Variants in SPOCK1 observed in about 807,000 individuals in gnomAD.
SPOCK1 encodes the protein SPARC (osteonectin), cwcv and kazal like domains proteoglycan 1.
Under a neutral mutation model 55.3 loss-of-function variants are expected in SPOCK1, and 23 were observed. The ratio of observed to expected loss-of-function variants is 0.42; its 90% CI spans 0.30 to 0.59. SPOCK1 has a LOEUF of 0.59. SPOCK1 is among the 20% of genes least tolerant of loss of function. The pLI, the probability that SPOCK1 is intolerant of heterozygous loss-of-function variation, is 0.22. For synonymous variants in SPOCK1, 226 were observed against 221.0 expected (o/e 1.02, Z -0.20); for missense variants, 499 against 552.5 (o/e 0.90, Z 0.97).
chr5:137,260,635 C>T (rs1756727220), intron 3 of SPOCK1, among the ~76,000 whole-genome samples: 1 of 152,086 alleles, frequency 6.6e-6, no homozygotes, highest in South Asian at 2.1e-4. Flanking sequence ...CTAAAATAAG[C>T]AAACAGGCAA....
chr5:136,996,037 C>G (rs1449134890), intron 6 of SPOCK1, among the ~76,000 whole-genome samples: 1 of 152,254 alleles, frequency 6.6e-6, no homozygotes, highest in East Asian at 1.9e-4. Context: ...AAGGCAACAG[C>G]CTGCAGAGGG....
chr5:137,364,074 C>A (rs1200583189), intron 2 of SPOCK1, among the ~76,000 whole-genome samples: 3 of 152,240 alleles, frequency 2.0e-5, no homozygotes, highest in Non-Finnish European at 4.4e-5. Flanking sequence ...CCCCTAGAAG[C>A]TCATCTCCTG....
chr5:137,326,202 C>T (rs144440133), intron 2 of SPOCK1, among the ~76,000 whole-genome samples: 50 of 152,200 alleles, frequency 3.3e-4, no homozygotes, highest in African/African-American at 1.1e-3. Context: ...ACACTGCACC[C>T]CTCCCAATTG....
intron 3 of SPOCK1, among the ~76,000 whole-genome samples, chr5:137,217,332 G>A (rs529993198): frequency 6.6e-6 from 1 of 152,284 alleles, no homozygotes; most frequent in African/African-American, 2.4e-5. Flanking sequence ...CCTGTGCTGG[G>A]CAGCACTAAG....
chr5:137,167,583 T>C (rs1387800535), intron 3 of SPOCK1, among the ~76,000 whole-genome samples: 2 of 151,974 alleles, frequency 1.3e-5, no homozygotes, highest in African/African-American at 4.8e-5. Context: ...AAAACAAAAC[T>C]TGAAACATTC....
intron 3 of SPOCK1, among the ~76,000 whole-genome samples, chr5:137,253,165 T>A (rs116005914): frequency 1.3e-3 from 199 of 152,282 alleles, no homozygotes; most frequent in African/African-American, 4.5e-3. Context: ...GGCACCAACA[T>A]CATTTATTCC....
chr5:137,252,911 C>G (rs936339013), intron 3 of SPOCK1, among the ~76,000 whole-genome samples: 1 of 152,084 alleles, frequency 6.6e-6, no homozygotes, highest in African/African-American at 2.4e-5. Flanking sequence ...GGTAGGGACA[C>G]GCATAGGAAC....
intron 3 of SPOCK1, among the ~76,000 whole-genome samples, chr5:137,161,049 T>G (rs971127531): frequency 2.7e-5 from 4 of 146,216 alleles, no homozygotes; most frequent in African/African-American, 7.5e-5. Flanking sequence ...TTTATATATA[T>G]CTCTCTAATA....
intron 5 of SPOCK1, among the ~76,000 whole-genome samples, chr5:137,090,970 C>T (rs1240071283): frequency 6.6e-6 from 1 of 152,066 alleles, no homozygotes; most frequent in East Asian, 1.9e-4. Flanking sequence ...AGCCATGGAA[C>T]TGAGCCAGGA....
At chr5:137,017,582 T>C (rs1421902328) in intron 6 of SPOCK1, among the ~76,000 whole-genome samples, 1 of 152,150 alleles carries the variant, frequency 6.6e-6, no homozygotes, top group Non-Finnish European at 1.5e-5. Context: ...AATAACACAA[T>C]GAATGTCTTA....
chr5:137,439,066 C>T (rs1044932229), intron 2 of SPOCK1, among the ~76,000 whole-genome samples: 2 of 152,110 alleles, frequency 1.3e-5, no homozygotes, highest in Non-Finnish European at 2.9e-5. Flanking sequence ...TTTCAGTTTC[C>T]TTATTTGTAA....
chr5:137,290,795 G>A (rs929459064), intron 2 of SPOCK1, among the ~76,000 whole-genome samples: 1 of 152,174 alleles, frequency 6.6e-6, no homozygotes, highest in African/African-American at 2.4e-5. Flanking sequence ...TGCTGAAGGC[G>A]TACATCCCAC....
intron 6 of SPOCK1, among the ~76,000 whole-genome samples, chr5:137,013,889 C>T (rs886569035): frequency 2.0e-5 from 3 of 152,080 alleles, no homozygotes; most frequent in South Asian, 2.1e-4. Flanking sequence ...CCTTGGGAGC[C>T]GGGTCAGCAG....
At chr5:137,152,754 C>A (rs1432123807) in intron 3 of SPOCK1, among the ~76,000 whole-genome samples, 1 of 152,162 alleles carries the variant, frequency 6.6e-6, no homozygotes, top group Non-Finnish European at 1.5e-5. Context: ...CCATTTCCTG[C>A]CAATATTCTC....
At chr5:137,000,761 G>A (rs750200895) in intron 6 of SPOCK1, among the ~76,000 whole-genome samples, 3 of 152,126 alleles carry the variant, frequency 2.0e-5, no homozygotes, top group Non-Finnish European at 4.4e-5. Context: ...AGTAGGCTCT[G>A]GGCTGGGCAT....
intron 6 of SPOCK1, among the ~76,000 whole-genome samples, chr5:137,024,345 T>C (rs933249196): frequency 2.9e-4 from 43 of 149,834 alleles, no homozygotes; most frequent in African/African-American, 9.6e-4. Context: ...TGACTGCTCA[T>C]GTTTTGTTAA....
intron 3 of SPOCK1, among the ~76,000 whole-genome samples, chr5:137,215,186 T>A (rs1310626847): frequency 2.0e-5 from 3 of 152,202 alleles, no homozygotes; most frequent in African/African-American, 7.2e-5. Flanking sequence ...CTAAGACATA[T>A]GAGAAGGATG....
At chr5:137,099,987 A>T (rs1753229668) in intron 5 of SPOCK1, among the ~76,000 whole-genome samples, 1 of 152,134 alleles carries the variant, frequency 6.6e-6, no homozygotes, top group Non-Finnish European at 1.5e-5. Flanking sequence ...TACATCTTGC[A>T]AGCTCAACTA....
intron 2 of SPOCK1, among the ~76,000 whole-genome samples, chr5:137,436,538 A>AGGAG (rs1428050183): frequency 1.3e-5 from 2 of 152,158 alleles, no homozygotes; most frequent in African/African-American, 4.8e-5. Flanking sequence ...TGGAAATGTA[A>AGGAG]ATCTCCTCTA....
Sources: allele counts gnomAD v4.1 joint callset (sites outside exome capture counted in the v4.1 genomes callset), GRCh38; gene constraint gnomAD v4.1.1; transcripts MANE v1.5; gene names NCBI Gene and HGNC (gene_info 2026-07-23, HGNC 2026-07-21).